Variants in PDE3B observed in about 807,000 individuals in gnomAD.
The protein encoded by PDE3B is phosphodiesterase 3B.
In PDE3B, 66 loss-of-function variants were observed where a neutral mutation model predicts 116.8. The ratio of observed to expected loss-of-function variants is 0.56; its 90% CI spans 0.46 to 0.69. The LOEUF (loss-of-function observed/expected upper bound fraction) is 0.69, where lower values mean the gene tolerates loss of function less well. PDE3B is among the 30% of genes least tolerant of loss of function. PDE3B has a pLI of 0.00. For missense variants in PDE3B, 1,384 were observed against 1,368.1 expected, an observed-to-expected ratio of 1.01 and a Z score of -0.18; for synonymous variants, 595 against 533.6, an observed-to-expected ratio of 1.12 and a Z score of -1.59.
chr11:14,852,926 A>G (rs1459524571), intron 12 of PDE3B, among the ~76,000 whole-genome samples: 1 of 152,048 alleles, frequency 6.6e-6, no homozygotes, highest in Non-Finnish European at 1.5e-5. Flanking sequence ...AAACTCTCCA[A>G]TGGCATTCAC....
chr11:14,759,548 G>GTTTT (rs1212052756), intron 1 of PDE3B, among the ~76,000 whole-genome samples: 5 of 129,186 alleles, frequency 3.9e-5, no homozygotes, highest in Non-Finnish European at 5.0e-5. Flanking sequence ...ATCAGAAGTA[G>GTTTT]TTTTTTTTTT....
intron 1 of PDE3B, among the ~76,000 whole-genome samples, chr11:14,761,685 C>T (rs1857364289): frequency 6.6e-6 from 1 of 152,000 alleles, no homozygotes; most frequent in South Asian, 2.1e-4. Flanking sequence ...AAGAGGTTCC[C>T]AGTTTTCATT....
At chr11:14,687,687 A>C (rs966716121) in intron 1 of PDE3B, among the ~76,000 whole-genome samples, 2 of 152,184 alleles carry the variant, frequency 1.3e-5, no homozygotes, top group Non-Finnish European at 2.9e-5. Context: ...TTACAGAGCT[A>C]CAAAAATAGT....
intron 7 of PDE3B, among the ~76,000 whole-genome samples, chr11:14,828,854 T>G (rs1337282829): frequency 6.6e-6 from 1 of 152,224 alleles, no homozygotes; most frequent in Non-Finnish European, 1.5e-5. Context: ...TAAAGCCACA[T>G]GCGTGTGTAT....
intron 1 of PDE3B, among the ~76,000 whole-genome samples, chr11:14,736,362 A>G (rs1856600605): frequency 1.3e-5 from 2 of 152,222 alleles, no homozygotes; most frequent in Admixed American, 1.3e-4. Context: ...AATAATTTTG[A>G]AGAGGAAACA....
In PDE3B at chr11:14,844,026, G is replaced by C; in HGVS notation, c.2520G>C (p.Gln840His). 1.2e-6 allele frequency: 2 copies of C among 1,610,766 alleles called. No homozygotes were observed. Residue 840 changes from glutamine to histidine, a missense_variant and splice_region_variant, in exon 12 of 16, where the codon CAG becomes CAC. By Grantham distance (24) the Gln-to-His change is conservative (BLOSUM62 0). Transcript: ENST00000282096. The part of the protein sequence containing the change: ...NAFLVATNAP[Q>H]AVLYNDRSVL... ...TTCTAGTGGCTACAAATGCCCCTCA[G>C]GTAGGAAATATTTTTAAGAACCTTT...
At chr11:14,891,865 C>A in the PDE3B span, 2 of 1,412,700 alleles carry the variant, frequency 1.4e-6, no homozygotes, top group East Asian at 5.1e-5. Flanking sequence ...GCAGCCGGCA[C>A]ACGGAGAGGT....
chr11:14,884,297 A>G, the PDE3B span, among the ~76,000 whole-genome samples: 3 of 152,116 alleles, frequency 2.0e-5, no homozygotes, highest in Admixed American at 1.3e-4. Flanking sequence ...TCCAAAAATG[A>G]TAGACTGGAT....
intron 1 of PDE3B, among the ~76,000 whole-genome samples, chr11:14,656,199 T>C (rs552524127): frequency 1.3e-5 from 2 of 152,116 alleles, no homozygotes; most frequent in Non-Finnish European, 2.9e-5. Flanking sequence ...GTAGGGAACA[T>C]TGGAAGATGA....
chr11:14,644,741 G>T lies in PDE3B; in HGVS notation c.666G>T (p.Val222=). The part of the protein sequence containing the change: ...HPLRLRHCVL[V]LLLASFVWWV... ...TGCGGCTCCGGCACTGCGTTCTGGT[G>T]CTGCTCCTGGCCAGCTTCGTCTGGT... Residue 222 remains valine, a synonymous_variant, in exon 1 of 16, where the codon GTG becomes GTT. Coordinates refer to ENST00000282096, the MANE Select transcript of PDE3B (RefSeq NM_000922.4). 6.3e-7 allele frequency: 1 copy of T among 1,578,834 alleles called. No individual in the cohort carries two copies. Among genetic ancestry groups the T allele is most frequent in the Non-Finnish European group, 8.6e-7 (1 of 1,163,774 alleles).
chr11:14,790,311 A>G (rs370707587), intron 4 of PDE3B, among the ~76,000 whole-genome samples: 5 of 151,700 alleles, frequency 3.3e-5, no homozygotes, highest in East Asian at 1.9e-4. Flanking sequence ...AAAATTTGCC[A>G]TGGCCTGAAC....
At chr11:14,704,194 A>C (rs752485720) in intron 1 of PDE3B, among the ~76,000 whole-genome samples, 71 of 151,748 alleles carry the variant, frequency 4.7e-4, no homozygotes, top group Non-Finnish European at 4.4e-4. Context: ...TTTAATTTTA[A>C]TGGTTAGAAT....
intron 5 of PDE3B, among the ~76,000 whole-genome samples, chr11:14,810,567 T>C (rs1378645566): frequency 1.3e-5 from 2 of 151,948 alleles, no homozygotes; most frequent in Non-Finnish European, 2.9e-5. Context: ...CAGTCTATCA[T>C]TGTTGGACAT....
chr11:14,751,291 C>T (rs1381695195), intron 1 of PDE3B, among the ~76,000 whole-genome samples: 2 of 152,142 alleles, frequency 1.3e-5, no homozygotes, highest in East Asian at 3.8e-4. Context: ...ACCTGCAGCA[C>T]CCTGGAGGTT....
the PDE3B span, chr11:14,891,713 G>A: frequency 3.2e-6 from 4 of 1,253,062 alleles, no homozygotes; most frequent in South Asian, 2.1e-5. Flanking sequence ...GAGCTCGAGC[G>A]GTAGCGGGAA....
chr11:14,868,088 A>G (rs1848080239), intron 15 of PDE3B, among the ~76,000 whole-genome samples: 1 of 152,230 alleles, frequency 6.6e-6, no homozygotes, highest in Non-Finnish European at 1.5e-5. Flanking sequence ...TTGAGTAACC[A>G]CTATCTAAAT....
At chr11:14,662,551 A>C (rs1204773263) in intron 1 of PDE3B, among the ~76,000 whole-genome samples, 1 of 152,046 alleles carries the variant, frequency 6.6e-6, no homozygotes, top group Non-Finnish European at 1.5e-5. Context: ...AAGAAGTTGA[A>C]AACTTTGAAA....
At position 14,644,963 on chromosome 11, in the gene PDE3B, C is replaced by G. The variant is rs1190643170; in HGVS notation, c.888C>G (p.Ser296Arg). The change falls in exon 1 of 16, where the codon AGC becomes AGG. Residue 296 changes from serine (S) to arginine (R), a missense_variant. Around this residue, in one of 2 missense-constraint regions of PDE3B, gnomAD observed 956 missense variants for 806.8 expected, o/e 1.18. Transcript: ENST00000282096. ...VPVIRPRRRS[S>R]CVSLGETAAS... ...TGATCCGACCCCGGAGGAGGTCCAG[C>G]TGCGTGTCGTTAGGAGAAACTGCAG... The G allele has an allele frequency of 1.9e-6, 3 of 1,613,908 alleles. No homozygotes were observed. The highest frequency in any genetic ancestry group is 2.5e-6 in the Non-Finnish European group (3 of 1,180,006).
In PDE3B at chr11:14,734,185, C is replaced by T. The variant is rs118078193; in HGVS notation, c.979-37752C>T. ...CTCCCAGGCTCAAGTGATCCTCCCACTTCAGCCTCCTGAGTAGCTGTTACT... is the reference window on the plus strand; with the variant it reads ...CTCCCAGGCTCAAGTGATCCTCCCATTTCAGCCTCCTGAGTAGCTGTTACT... On this transcript the variant is annotated intron_variant, in intron 1 of 15. Coordinates refer to ENST00000282096, the MANE Select transcript of PDE3B (RefSeq NM_000922.4). Among the ~76,000 whole-genome samples, 1,048 of 152,330 alleles carry T rather than the reference C, an allele frequency of 6.9e-3. 7 individuals carry two copies. The highest frequency in any genetic ancestry group is 0.014 in the Middle Eastern group (4 of 294).
Sources: gnomAD v4.1 joint callset for allele counts (sites outside exome capture counted in the v4.1 genomes callset) on GRCh38, gnomAD v4.1.1 for gene constraint, gnomAD v4.1.1 regional missense constraint, MANE v1.5 for transcripts, NCBI Gene and HGNC (gene_info 2026-07-23, HGNC 2026-07-21) for gene names.